Variants in ZBTB41 observed in about 807,000 individuals in gnomAD.
ZBTB41 encodes the protein zinc finger and BTB domain containing 41.
Under a neutral mutation model 87.6 loss-of-function variants are expected in ZBTB41, and 42 were observed. That is an observed-to-expected ratio of 0.48 (90% CI 0.37 to 0.62). The LOEUF is 0.62. ZBTB41 is among the 20% of genes least tolerant of loss of function. The probability of loss-of-function intolerance (pLI) is 0.00; values close to 1 mark genes in which losing one functional copy is unlikely to be tolerated. For missense variants in ZBTB41, 799 were observed against 1,078.9 expected, an observed-to-expected ratio of 0.74 and a Z score of 3.63; for synonymous variants, 364 against 364.0, an observed-to-expected ratio of 1.00 and a Z score of 0.00.
rs934579872 is a variant in ZBTB41, at chr1:197,159,492, G to C, written c.2597C>G (p.Pro866Arg). Residue 866 changes from proline (P) to arginine (R), a missense_variant, in exon 11 of 11, where the codon CCT (proline) becomes CGT (arginine). Pro to Arg is a moderately radical substitution (Grantham distance 103). Coordinates refer to ENST00000367405, the MANE Select transcript of ZBTB41 (RefSeq NM_194314.3). Reference sequence around the variant, plus strand: ...TCGAACTGGGTGAACTATATTTGCAGGTTGAGGAGTAAGAGTATATTTTTC... The same window carrying C: ...TCGAACTGGGTGAACTATATTTGCACGTTGAGGAGTAAGAGTATATTTTTC... ...FLEKYTLTPQ[P>R]ANIVHPVRPE... 20 of 1,613,802 alleles carry C rather than the reference G, an allele frequency of 1.2e-5. No individual in the cohort carries two copies. In the African/African-American group the frequency reaches 2.4e-4, roughly 19 times the overall value.
intron 7 of ZBTB41, among the ~76,000 whole-genome samples, chr1:197,177,456 T>C (rs1189647309): frequency 1.3e-5 from 2 of 152,122 alleles, no homozygotes; most frequent in Non-Finnish European, 2.9e-5. Context: ...TATGTCTTTA[T>C]AGCAGTGTGA....
intron 8 of ZBTB41, chr1:197,175,851 A>C (rs1024257489): frequency 1.3e-5 from 2 of 152,038 alleles, no homozygotes; most frequent in Admixed American, 6.6e-5. Context: ...AACCTATCTC[A>C]TTGAGATCAT....
intron 5 of ZBTB41, among the ~76,000 whole-genome samples, chr1:197,181,709 A>C (rs933030230): frequency 6.6e-6 from 1 of 152,206 alleles, no homozygotes; most frequent in African/African-American, 2.4e-5. Context: ...AAGATGTCTC[A>C]GTATATGGAA....
intron 2 of ZBTB41, 80 bp downstream of exon 2, chr1:197,199,274 G>T (rs1300767621): frequency 7.4e-6 from 10 of 1,346,588 alleles, no homozygotes; most frequent in Non-Finnish European, 8.8e-6. Context: ...TACTTTCCAA[G>T]TTTAGTTTTT....
chr1:197,197,160 G>A (rs998728947), intron 2 of ZBTB41, among the ~76,000 whole-genome samples: 1 of 151,982 alleles, frequency 6.6e-6, no homozygotes, highest in South Asian at 2.1e-4. Flanking sequence ...CCTACCCCAT[G>A]AGAAGGTACT....
At chr1:197,197,392 G>T (rs1389825526) in intron 2 of ZBTB41, among the ~76,000 whole-genome samples, 1 of 151,854 alleles carries the variant, frequency 6.6e-6, no homozygotes, top group Admixed American at 6.6e-5. Flanking sequence ...AAAGCAAGCA[G>T]CAGGGCTAAA....
Position 197,188,121 on chromosome 1 carries a change from T to C in ZBTB41, c.1546+171A>G, listed in dbSNP as rs114953737. 6.4e-3 allele frequency among the ~76,000 whole-genome samples: 970 copies of C among 152,296 alleles called. 12 individuals carry two copies. The highest frequency in any genetic ancestry group is 0.022 in the African/African-American group (932 of 41,552). ...GGGAGGCTGTGCATATGTGGAGGCA[T>C]AGGGCATATGGGAAATATCTATTCC... On this transcript the variant is annotated intron_variant, in intron 5 of 10. Transcript: ENST00000367405.
chr1:197,181,125 G>GA lies in ZBTB41; in HGVS notation c.1547-9_1547-8insT. 1 of 1,539,650 alleles carries GA rather than the reference G, an allele frequency of 6.5e-7. No homozygotes were observed. The highest frequency in any genetic ancestry group is 1.2e-5 in the South Asian group (1 of 80,352). ...TATCACATGGAAAAGGACCTAAAAA[G>GA]GAAAAAAAAAAAGTGTGCATTTAAA... On this transcript the variant is annotated splice_polypyrimidine_tract_variant and intron_variant, in intron 5 of 10. Transcript: ENST00000367405.
chr1:197,192,007 C>A, intron 2 of ZBTB41, 108 bp from the exon 3 acceptor site: 1 of 736,574 alleles, frequency 1.4e-6, no homozygotes, highest in Non-Finnish European at 2.0e-6. Context: ...TATACACATC[C>A]AAATCCACAC....
At chr1:197,189,312 G>A (rs758397538) in intron 4 of ZBTB41, among the ~76,000 whole-genome samples, 9 of 152,000 alleles carry the variant, frequency 5.9e-5, no homozygotes, top group Non-Finnish European at 1.0e-4. Flanking sequence ...GATCACCTGG[G>A]GTCAGAACTT....
intron 10 of ZBTB41, among the ~76,000 whole-genome samples, chr1:197,161,179 A>C (rs1659191488): frequency 6.6e-6 from 1 of 152,128 alleles, no homozygotes; most frequent in Admixed American, 6.6e-5. Context: ...CTAAAGAACT[A>C]TACGGTAATA....
intron 2 of ZBTB41, among the ~76,000 whole-genome samples, chr1:197,192,440 G>A (rs1048782645): frequency 7.9e-5 from 12 of 152,170 alleles, no homozygotes; most frequent in African/African-American, 2.6e-4. Context: ...TTACCTAATA[G>A]AACTGTTGTA....
rs370185590 is a variant in ZBTB41, at chr1:197,190,813, T to C, written c.1347A>G (p.Ala449=). Residue 449 remains alanine, a synonymous_variant, in exon 4 of 11, where the codon GCA becomes GCG. Transcript: ENST00000367405. ...KHVKRFHPEN[A]QEFISIKKTK... is the part of the protein sequence containing the mutation. ...TCTTCTTAATGGAAATAAATTCTTG[T>C]GCATTTTCAGGATGAAATCTATCAG... 6.9e-5 allele frequency: 110 copies of C among 1,589,396 alleles called. No individual in the cohort carries two copies. Among genetic ancestry groups the C allele is most frequent in the Non-Finnish European group, 8.8e-5 (102 of 1,164,494 alleles).
In ZBTB41 at chr1:197,190,750, A is replaced by G; in HGVS notation, c.1398+12T>C. On this transcript the variant is annotated intron_variant, in intron 4 of 10. Transcript: ENST00000367405. The stretch of plus-strand genomic sequence containing the variant: ...TTTGGTTTTCTAATTTGTTTTAATT[A>G]AAAACTCTTACATCACATTTCCAAC... 1 of 1,551,438 alleles carries G rather than the reference A, an allele frequency of 6.4e-7. No homozygotes were observed.
rs917565986 is a variant in ZBTB41, at chr1:197,155,745, C to T, written c.*3614G>A. ...TTAGTGTACCTATTTCATGACCTGCCATCGCCTAAAAGGAAGTCACCTAAT... is the reference window on the plus strand; with the variant it reads ...TTAGTGTACCTATTTCATGACCTGCTATCGCCTAAAAGGAAGTCACCTAAT... On this transcript the variant is annotated 3_prime_UTR_variant, in exon 11 of 11. Transcript: ENST00000367405. 1.3e-5 allele frequency: 2 copies of T among 152,250 alleles called. No individual in the cohort carries two copies. The highest frequency in any genetic ancestry group is 1.3e-4 in the Admixed American group (2 of 15,244). 9.4% of individuals were successfully genotyped at this position (152,250 alleles called of 1,614,324 possible).
rs372961048 is a variant in ZBTB41, at chr1:197,195,008, G to GT, written c.1121-3110dup. Reference sequence around the variant, plus strand: ...CTTTGTTTTTGTTTTGTTTCGTTTTGTTTTTTGCCAGGGGGAGGGCACTCC... The same window carrying GT: ...CTTTGTTTTTGTTTTGTTTCGTTTTGTTTTTTTGCCAGGGGGAGGGCACTCC... On this transcript the variant is annotated intron_variant, in intron 2 of 10. Coordinates refer to ENST00000367405, the MANE Select transcript of ZBTB41 (RefSeq NM_194314.3). 3.8e-4 allele frequency among the ~76,000 whole-genome samples: 58 copies of GT among 152,110 alleles called. 1 individual carries two copies. The highest frequency in any genetic ancestry group is 1.3e-3 in the African/African-American group (52 of 41,510).
At chr1:197,193,194 G>C (rs1660076666) in intron 2 of ZBTB41, among the ~76,000 whole-genome samples, 1 of 151,942 alleles carries the variant, frequency 6.6e-6, no homozygotes, top group South Asian at 2.1e-4. Context: ...AACACTTCAT[G>C]GGGTTGTGAC....
At chr1:197,179,609 T>C (rs995386427) in intron 6 of ZBTB41, among the ~76,000 whole-genome samples, 9 of 152,108 alleles carry the variant, frequency 5.9e-5, no homozygotes, top group African/African-American at 2.2e-4. Context: ...CCATAGGACA[T>C]GACAGCTCTA....
intron 10 of ZBTB41, among the ~76,000 whole-genome samples, chr1:197,168,139 T>TA (rs1557976746): frequency 6.6e-6 from 1 of 151,274 alleles, no homozygotes; most frequent in African/African-American, 2.4e-5. Flanking sequence ...AAAATAAAAT[T>TA]AAAAAAAGGT....
Sources: gnomAD v4.1 joint callset for allele counts (sites outside exome capture counted in the v4.1 genomes callset) on GRCh38, gnomAD v4.1.1 for gene constraint, MANE v1.5 for transcripts, NCBI Gene and HGNC (gene_info 2026-07-23, HGNC 2026-07-21) for gene names.